The following ZNF100 variants were observed in gnomAD, a reference collection of about 807,000 sequenced individuals.
ZNF100 encodes zinc finger protein 100 (Y1).
Under a neutral mutation model 15.8 loss-of-function variants are expected in ZNF100, and 12 were observed. The ratio of observed to expected loss-of-function variants is 0.76; its 90% CI spans 0.49 to 1.23. ZNF100 has a LOEUF of 1.23. Ranked by LOEUF, ZNF100 falls within the 50% of genes most tolerant of loss-of-function variation. The pLI, the probability that ZNF100 is intolerant of heterozygous loss-of-function variation, is 0.00. For missense variants in ZNF100, 670 were observed against 635.6 expected, an observed-to-expected ratio of 1.05 and a Z score of -0.58; for synonymous variants, 226 against 214.8, an observed-to-expected ratio of 1.05 and a Z score of -0.45.
chr19:21,762,219 C>T (rs16998353), intron 2 of ZNF100, among the ~76,000 whole-genome samples: 8,201 of 152,206 alleles, frequency 0.054, 241 homozygotes, highest in African/African-American at 0.087. Context: ...AAAACAGTCA[C>T]AAAGCTTAGC....
chr19:21,760,349 C>T (rs1408012275), intron 2 of ZNF100, among the ~76,000 whole-genome samples: 1 of 151,540 alleles, frequency 6.6e-6, no homozygotes, highest in African/African-American at 2.4e-5. Flanking sequence ...AAAACTTAGC[C>T]CTGCATGTGA....
At chr19:21,756,235 C>T (rs978077009) in intron 2 of ZNF100, among the ~76,000 whole-genome samples, 2 of 152,138 alleles carry the variant, frequency 1.3e-5, no homozygotes, top group Non-Finnish European at 2.9e-5. Context: ...AATGAGTCAT[C>T]TTTCACAAAC....
intron 4 of ZNF100, among the ~76,000 whole-genome samples, chr19:21,741,861 G>A (rs1417205381): frequency 6.6e-6 from 1 of 151,928 alleles, no homozygotes; most frequent in Non-Finnish European, 1.5e-5. Context: ...ATAATTTTGT[G>A]GAAAGGGAAT....
At chr19:21,762,279 T>C (rs1746712825) in intron 2 of ZNF100, among the ~76,000 whole-genome samples, 1 of 152,240 alleles carries the variant, frequency 6.6e-6, no homozygotes, top group Non-Finnish European at 1.5e-5. Flanking sequence ...TGTAAAAATC[T>C]GGATTACTGT....
At position 21,760,262 on chromosome 19, in the gene ZNF100, G is replaced by C. The variant is rs146804327; in HGVS notation, c.96+5432C>G. Reference sequence around the variant, plus strand: ...AATAATTACACTTTGGGAGGCTGAGGCTAGCGAGTCACCTGAGGTCAGGAG... The same window carrying C: ...AATAATTACACTTTGGGAGGCTGAGCCTAGCGAGTCACCTGAGGTCAGGAG... On this transcript the variant is annotated intron_variant, in intron 2 of 4. Transcript: ENST00000358296. Among the ~76,000 whole-genome samples, 330 of 151,348 alleles carry C rather than the reference G, an allele frequency of 2.2e-3. 1 individual carries two copies. Among genetic ancestry groups the C allele is most frequent in the African/African-American group, 7.5e-3 (308 of 41,258 alleles).
chr19:21,754,610 T>C (rs1275979505), intron 2 of ZNF100, among the ~76,000 whole-genome samples: 4 of 152,100 alleles, frequency 2.6e-5, no homozygotes, highest in Admixed American at 2.6e-4. Context: ...CTGGACCCCT[T>C]CCTTACAAAA....
intron 4 of ZNF100, among the ~76,000 whole-genome samples, chr19:21,739,423 G>T (rs2036069128): frequency 6.6e-6 from 1 of 152,150 alleles, no homozygotes; most frequent in South Asian, 2.1e-4. Context: ...AGGCATGGTA[G>T]TGCATGTCCA....
At chr19:21,760,754 G>GTTTTTTT (rs59317162) in intron 2 of ZNF100, among the ~76,000 whole-genome samples, 3 of 102,094 alleles carry the variant, frequency 2.9e-5, no homozygotes, top group Admixed American at 1.2e-4. Context: ...GAACTTTCTT[G>GTTTTTTT]TTTTTTTTTT....
chr19:21,732,443 A>G (rs2035936371), intron 4 of ZNF100, among the ~76,000 whole-genome samples: 1 of 152,058 alleles, frequency 6.6e-6, no homozygotes, highest in Admixed American at 6.6e-5. Flanking sequence ...AGGCAAACAA[A>G]CACAGAGGTA....
chr19:21,739,020 A>G (rs1372062411), intron 4 of ZNF100, among the ~76,000 whole-genome samples: 2 of 152,226 alleles, frequency 1.3e-5, no homozygotes, highest in African/African-American at 4.8e-5. Flanking sequence ...CTTTCTGATT[A>G]TCAAAAGGCT....
chr19:21,727,675 A>AT lies in ZNF100; in HGVS notation c.636dup (p.Ser213IlefsTer12), dbSNP rs1456078520. The AT allele has an allele frequency of 6.2e-7, 1 of 1,612,714 alleles. No homozygotes were observed. The highest frequency in any genetic ancestry group is 8.5e-7 in the Non-Finnish European group (1 of 1,179,626). On this transcript the variant is annotated frameshift_variant, in exon 5 of 5. Transcript: ENST00000358296. LOFTEE classifies it low-confidence loss of function (END_TRUNC). Reference sequence around the variant, plus strand: ...GTTAGGTGTAAAAGCATGCAAAATGATTTTTCACATTTTTTACATTTGAAA... The same window carrying AT: ...GTTAGGTGTAAAAGCATGCAAAATGATTTTTTCACATTTTTTACATTTGAAA...
chr19:21,766,634 C>A (rs954276198), intron 1 of ZNF100, among the ~76,000 whole-genome samples: 1 of 152,116 alleles, frequency 6.6e-6, no homozygotes, highest in Non-Finnish European at 1.5e-5. Context: ...TCCTTCAAGC[C>A]TCTCCCATAG....
At chr19:21,755,460 T>C (rs116095496) in intron 2 of ZNF100, among the ~76,000 whole-genome samples, 3,177 of 151,866 alleles carry the variant, frequency 0.021, 116 homozygotes, top group African/African-American at 0.073. Flanking sequence ...TGTGGAGAAA[T>C]AGTAACACTT....
At chr19:21,749,155 A>G (rs2036260937) in intron 2 of ZNF100, among the ~76,000 whole-genome samples, 1 of 152,084 alleles carries the variant, frequency 6.6e-6, no homozygotes, top group African/African-American at 2.4e-5. Flanking sequence ...TTTTTGAATG[A>G]CCTTATGAAA....
At position 21,745,671 on chromosome 19, in the gene ZNF100, C is replaced by T. The variant is rs577523937; in HGVS notation, c.97-604G>A. ...CCGAGTAGCTGGGACTACAGGCGCCCGCCACCGCGCCCGGCTAATTTTTTG... is the reference window on the plus strand; with the variant it reads ...CCGAGTAGCTGGGACTACAGGCGCCTGCCACCGCGCCCGGCTAATTTTTTG... On this transcript the variant is annotated intron_variant, in intron 2 of 4. Transcript: ENST00000358296. Among the ~76,000 whole-genome samples, 9 of 151,898 alleles carry T rather than the reference C, an allele frequency of 5.9e-5. No homozygotes were observed. The South Asian group carries it at 1.5e-3, about 25-fold the overall frequency.
chr19:21,765,931 A>G (rs1459901892), intron 1 of ZNF100, 145 bp from the exon 2 acceptor site: 19 of 711,394 alleles, frequency 2.7e-5, no homozygotes, highest in Non-Finnish European at 3.4e-5. Flanking sequence ...ACATCACCCC[A>G]TAGATTTTTC....
chr19:21,763,659 G>A (rs1408665968), intron 2 of ZNF100, among the ~76,000 whole-genome samples: 1 of 152,084 alleles, frequency 6.6e-6, no homozygotes, highest in Non-Finnish European at 1.5e-5. Context: ...CCTGAACTTT[G>A]AGCTACCCTC....
chr19:21,743,243 C>G (rs1439530413), intron 4 of ZNF100: 1 of 151,666 alleles, frequency 6.6e-6, no homozygotes, highest in Non-Finnish European at 1.5e-5. Context: ...CAAAACAAAA[C>G]AAAAAAGATA....
intron 4 of ZNF100, among the ~76,000 whole-genome samples, chr19:21,736,753 C>A (rs953864208): frequency 6.6e-6 from 1 of 152,190 alleles, no homozygotes; most frequent in African/African-American, 2.4e-5. Context: ...CTCAAAACCA[C>A]ACAACTGCAT....
Sources: gnomAD v4.1 joint callset for allele counts (sites outside exome capture counted in the v4.1 genomes callset) on GRCh38, gnomAD v4.1.1 for gene constraint, MANE v1.5 for transcripts, NCBI Gene and HGNC (gene_info 2026-07-23, HGNC 2026-07-21) for gene names.